ZDHHC7: variants seen among roughly 807,000 people sequenced by gnomAD.
ZDHHC7 encodes palmitoyltransferase ZDHHC7.
ZDHHC7 carries 12 observed loss-of-function variants against 34.1 expected under a neutral mutation model. That is an observed-to-expected ratio of 0.35 (90% CI 0.23 to 0.57). The LOEUF is 0.57. Ranked by LOEUF, ZDHHC7 falls within the 20% of genes least tolerant of loss-of-function variation. The pLI is 0.84. For missense variants in ZDHHC7, 388 were observed against 402.7 expected (o/e 0.96, Z 0.31); for synonymous variants, 185 against 155.4 (o/e 1.19, Z -1.42).
intron 1 of ZDHHC7, among the ~76,000 whole-genome samples, chr16:84,996,870 T>C (rs1293250568): frequency 6.6e-6 from 1 of 151,690 alleles, no homozygotes; most frequent in African/African-American, 2.4e-5. Flanking sequence ...CTACTAAAAA[T>C]ACAAAAATTA....
intron 1 of ZDHHC7, among the ~76,000 whole-genome samples, chr16:85,009,475 C>A (rs1218934974): frequency 6.6e-6 from 1 of 151,028 alleles, no homozygotes; most frequent in Non-Finnish European, 1.5e-5. Flanking sequence ...TCAACTGAGG[C>A]AGGCTCTGAG....
At chr16:85,024,613 A>G in the ZDHHC7 span, among the ~76,000 whole-genome samples, 3 of 152,178 alleles carry the variant, frequency 2.0e-5, no homozygotes, top group Non-Finnish European at 2.9e-5. Flanking sequence ...GTACAATGTC[A>G]TGAGATATGT....
intron 1 of ZDHHC7, among the ~76,000 whole-genome samples, chr16:84,997,630 C>G (rs1386606313): frequency 2.6e-5 from 4 of 151,294 alleles, no homozygotes; most frequent in Non-Finnish European, 5.9e-5. Flanking sequence ...CACAGTGGCT[C>G]ACGCCTGTAA....
rs1279614909 is a variant in ZDHHC7, at chr16:84,997,005, G to A, written c.-103-998C>T. On this transcript the variant is annotated intron_variant, in intron 1 of 7. Coordinates refer to ENST00000313732, the MANE Select transcript of ZDHHC7 (RefSeq NM_017740.3). ...GGCACCACTGCACTCCAGCCTGGGC[G>A]ACAGAGCAAGACTCTGTCTCAAAAA... Among the ~76,000 whole-genome samples the A allele has an allele frequency of 5.5e-5, 8 of 146,028 alleles. No individual in the cohort carries two copies. In the South Asian group the frequency reaches 1.3e-3, roughly 24 times the overall value.
the ZDHHC7 span, among the ~76,000 whole-genome samples, chr16:85,022,824 C>T: frequency 7.6e-3 from 1,161 of 152,278 alleles, 15 homozygotes; most frequent in African/African-American, 0.027. Flanking sequence ...CTATGAATTG[C>T]TGTTGCTAAA....
rs1039612088 is a variant in ZDHHC7, at chr16:84,974,535, C to G, written c.*1808G>C. Reference sequence around the variant, plus strand: ...AGAAGAGGTTGAAAAGTCAAGTATACTTGATTTGCACACACTTGCCAAGTC... The same window carrying G: ...AGAAGAGGTTGAAAAGTCAAGTATAGTTGATTTGCACACACTTGCCAAGTC... On this transcript the variant is annotated 3_prime_UTR_variant, in exon 8 of 8. Coordinates refer to ENST00000313732, the MANE Select transcript of ZDHHC7 (RefSeq NM_017740.3). 6.6e-6 allele frequency: 1 copy of G among 152,600 alleles called. No individual in the cohort carries two copies. The highest frequency in any genetic ancestry group is 1.5e-5 in the Non-Finnish European group (1 of 68,038). The allele number at this position is 152,600 out of a possible 1,614,324, so 9.5% of individuals were successfully genotyped here. A position where few individuals can be genotyped will look rare whatever the true frequency, so the allele number is the denominator to read the frequency against.
chr16:85,010,679 TCTATCTAA>T lies in ZDHHC7; in HGVS notation c.-104+599_-104+606del, dbSNP rs1234909586. The stretch of plus-strand genomic sequence containing the variant: ...GTTCTTCATAAGCTAATAAAGTGTG[TCTATCTAA>T]CTGAGTGTGACAAAGTTGTAGAAGG... On this transcript the variant is annotated intron_variant, in intron 1 of 7. Coordinates refer to ENST00000313732, the MANE Select transcript of ZDHHC7 (RefSeq NM_017740.3). Among the ~76,000 whole-genome samples the T allele has an allele frequency of 4.1e-5, 6 of 146,500 alleles. No individual in the cohort carries two copies. The South Asian group carries it at 8.7e-4, about 21-fold the overall frequency.
chr16:84,977,308 G>C, intron 6 of ZDHHC7, 83 bp from the exon 7 acceptor site: 4 of 1,544,590 alleles, frequency 2.6e-6, no homozygotes, highest in Non-Finnish European at 3.5e-6. Flanking sequence ...AATCCTCTAG[G>C]GCCAGCCCCT....
intron 6 of ZDHHC7, 44 bp from the exon 7 acceptor site, chr16:84,977,269 C>T (rs1403873666): frequency 1.6e-5 from 26 of 1,603,722 alleles, no homozygotes; most frequent in East Asian, 2.2e-5. Flanking sequence ...CTGAATACCC[C>T]GAGTGGCAGA....
upstream of ZDHHC7, among the ~76,000 whole-genome samples, chr16:85,016,471 A>G (rs932062255): frequency 2.0e-5 from 3 of 152,104 alleles, no homozygotes; most frequent in Non-Finnish European, 4.4e-5. Context: ...TTGTTTGGTG[A>G]GAGAGACAAG....
At chr16:85,019,925 C>G in the ZDHHC7 span, among the ~76,000 whole-genome samples, 1 of 152,108 alleles carries the variant, frequency 6.6e-6, no homozygotes, top group Non-Finnish European at 1.5e-5. Context: ...CTGTTATACC[C>G]CCTCGTAGAC....
chr16:84,975,312 T>C lies in ZDHHC7; in HGVS notation c.*1031A>G, dbSNP rs1233937977. On this transcript the variant is annotated 3_prime_UTR_variant, in exon 8 of 8. Transcript: ENST00000313732. ...CCCTCCCCTTCCCAGAGGTGCCCAATGGCTGGGCCCTGCCTCTCCAGTAAG... is the reference window on the plus strand; with the variant it reads ...CCCTCCCCTTCCCAGAGGTGCCCAACGGCTGGGCCCTGCCTCTCCAGTAAG... 2.0e-5 allele frequency: 3 copies of C among 152,418 alleles called. No individual in the cohort carries two copies. Among genetic ancestry groups the C allele is most frequent in the Non-Finnish European group, 4.4e-5 (3 of 68,058 alleles). 9.4% of individuals were successfully genotyped at this position (152,418 alleles called of 1,614,324 possible).
rs777364765 is a variant in ZDHHC7, at chr16:84,977,205, G to C, written c.640C>G (p.Pro214Ala). The change falls in exon 7 of 8, where the codon CCG becomes GCG. Residue 214 changes from proline to alanine, a missense_variant. Transcript: ENST00000313732. ...QWTECSDFSP[P>A]ITVILLIFLC... ...AAGATCAACAGGATTACAGTTATCGGAGGTGAAAAATCACTGCATTCTGCG... is the reference window on the plus strand; with the variant it reads ...AAGATCAACAGGATTACAGTTATCGCAGGTGAAAAATCACTGCATTCTGCG... 7 of 1,614,208 alleles carry C rather than the reference G, an allele frequency of 4.3e-6. No individual in the cohort carries two copies. The highest frequency in any genetic ancestry group is 5.1e-6 in the Non-Finnish European group (6 of 1,180,036).
intron 5 of ZDHHC7, among the ~76,000 whole-genome samples, chr16:84,978,699 C>T (rs971034316): frequency 6.6e-6 from 1 of 151,922 alleles, no homozygotes; most frequent in South Asian, 2.1e-4. Context: ...CCCATCTCTA[C>T]GAAAAATACA....
intron 7 of ZDHHC7, among the ~76,000 whole-genome samples, chr16:84,976,843 T>C (rs922723197): frequency 7.2e-5 from 11 of 152,228 alleles, no homozygotes; most frequent in African/African-American, 2.7e-4. Context: ...GTCAGTTCCC[T>C]GAAATTTACT....
intron 2 of ZDHHC7, among the ~76,000 whole-genome samples, chr16:84,992,056 A>G (rs1273888726): frequency 6.6e-6 from 1 of 151,742 alleles, no homozygotes; most frequent in Non-Finnish European, 1.5e-5. Flanking sequence ...TGCGCCTGTA[A>G]TCCCAGCTAC....
chr16:84,989,356 C>T (rs1407384216), intron 3 of ZDHHC7, among the ~76,000 whole-genome samples: 1 of 152,208 alleles, frequency 6.6e-6, no homozygotes, highest in Non-Finnish European at 1.5e-5. Context: ...GATAAAGCCA[C>T]GTGCAGACCA....
upstream of ZDHHC7, among the ~76,000 whole-genome samples, chr16:85,013,879 G>T (rs569660686): frequency 2.0e-5 from 3 of 151,646 alleles, no homozygotes; most frequent in Non-Finnish European, 4.4e-5. Flanking sequence ...GTAGAGACGG[G>T]GTTTCACTAT....
upstream of ZDHHC7, among the ~76,000 whole-genome samples, chr16:85,013,886 C>G (rs946621144): frequency 6.6e-6 from 1 of 151,930 alleles, no homozygotes; most frequent in Non-Finnish European, 1.5e-5. Flanking sequence ...CGGGGTTTCA[C>G]TATGTTGGCC....
Sources: allele counts gnomAD v4.1 joint callset (sites outside exome capture counted in the v4.1 genomes callset), GRCh38; gene constraint gnomAD v4.1.1; transcripts MANE v1.5; gene names NCBI Gene and HGNC (gene_info 2026-07-23, HGNC 2026-07-21).